Variants in CSMD3 observed in about 807,000 individuals in gnomAD.
CSMD3 encodes the protein CUB and Sushi multiple domains 3.
A neutral mutation model predicts 435.2 loss-of-function variants in CSMD3; 177 were observed. That is an observed-to-expected ratio of 0.41 (90% CI 0.36 to 0.46). The LOEUF (loss-of-function observed/expected upper bound fraction) is 0.46, where lower values mean the gene tolerates loss of function less well. Ranked by LOEUF, CSMD3 falls within the 20% of genes least tolerant of loss-of-function variation. The probability of loss-of-function intolerance (pLI) is 0.34; values close to 1 mark genes in which losing one functional copy is unlikely to be tolerated. For synonymous variants in CSMD3, 1,656 were observed against 1,520.5 expected, an observed-to-expected ratio of 1.09 and a Z score of -2.07; for missense variants, 4,265 against 4,504.6, an observed-to-expected ratio of 0.95 and a Z score of 1.52.
chr8:112,893,646 C>T (rs981779218), intron 10 of CSMD3, among the ~76,000 whole-genome samples: 6 of 151,478 alleles, frequency 4.0e-5, no homozygotes, highest in Non-Finnish European at 5.9e-5. Context: ...CTGAGGCAGA[C>T]TCTCTGGTAT....
At chr8:112,496,039 G>A (rs1288025520) in intron 30 of CSMD3, among the ~76,000 whole-genome samples, 1 of 151,906 alleles carries the variant, frequency 6.6e-6, no homozygotes, top group East Asian at 1.9e-4. Flanking sequence ...GTGCGATCTC[G>A]GCTCACTGCA....
intron 51 of CSMD3, 140 bp from the exon 52 acceptor site, chr8:112,305,055 G>T: frequency 1.4e-6 from 1 of 710,498 alleles, no homozygotes; most frequent in Non-Finnish European, 2.5e-6. Context: ...TATTTCTTTT[G>T]CATGTTGATA....
chr8:112,262,816 A>C (rs781395813), intron 61 of CSMD3, among the ~76,000 whole-genome samples: 1 of 152,128 alleles, frequency 6.6e-6, no homozygotes, highest in Non-Finnish European at 1.5e-5. Context: ...CAAGAAAAAA[A>C]GTCCTATGAG....
At position 112,533,998 on chromosome 8, in the gene CSMD3, A is replaced by T. The variant is rs981274512; in HGVS notation, c.4564+16673T>A. On this transcript the variant is annotated intron_variant, in intron 27 of 70. Coordinates refer to ENST00000297405, the MANE Select transcript of CSMD3 (RefSeq NM_198123.2). ...ACAAATAACATGGAAATTAAATGAC[A>T]TGCTCCTGAACAACCAATGGGTCAG... Among the ~76,000 whole-genome samples, 7 of 152,112 alleles carry T rather than the reference A, an allele frequency of 4.6e-5. 1 individual carries two copies. Among genetic ancestry groups the T allele is most frequent in the Non-Finnish European group, 1.5e-5 (1 of 67,994 alleles).
At chr8:112,724,369 A>G (rs2076922717) in intron 13 of CSMD3, among the ~76,000 whole-genome samples, 1 of 152,062 alleles carries the variant, frequency 6.6e-6, no homozygotes, top group Non-Finnish European at 1.5e-5. Context: ...AGATATTAGC[A>G]GTAGAGGTGG....
chr8:112,919,675 C>T (rs1275975239), intron 10 of CSMD3, among the ~76,000 whole-genome samples: 1 of 151,798 alleles, frequency 6.6e-6, no homozygotes, highest in Non-Finnish European at 1.5e-5. Context: ...ATGATGTTCA[C>T]TATATTGCTC....
intron 1 of CSMD3, among the ~76,000 whole-genome samples, chr8:113,323,729 A>G (rs1440247934): frequency 6.6e-6 from 1 of 152,228 alleles, no homozygotes; most frequent in Non-Finnish European, 1.5e-5. Context: ...GGCTACTCAC[A>G]TTTTAGCAGT....
At chr8:112,802,607 CATTTT>C (rs1305785037) in intron 12 of CSMD3, among the ~76,000 whole-genome samples, 1 of 151,936 alleles carries the variant, frequency 6.6e-6, no homozygotes, top group African/African-American at 2.4e-5. Flanking sequence ...TTTTTCCCTC[CATTTT>C]ATGGAGAGCT....
intron 1 of CSMD3, among the ~76,000 whole-genome samples, chr8:113,428,491 A>G (rs1189706979): frequency 6.6e-6 from 1 of 151,756 alleles, no homozygotes; most frequent in African/African-American, 2.4e-5. Context: ...ACTCAGAAAA[A>G]TGTGTATTAC....
At chr8:113,183,626 C>T (rs1248011370) in intron 3 of CSMD3, among the ~76,000 whole-genome samples, 2 of 151,952 alleles carry the variant, frequency 1.3e-5, no homozygotes, top group Non-Finnish European at 2.9e-5. Context: ...GTTTCTCCAA[C>T]CCGTAAGTCC....
chr8:112,477,938 G>A (rs537425465), intron 31 of CSMD3, among the ~76,000 whole-genome samples: 1 of 152,092 alleles, frequency 6.6e-6, no homozygotes, highest in East Asian at 1.9e-4. Flanking sequence ...CTGGTGGGAG[G>A]TCACTGAATC....
intron 16 of CSMD3, among the ~76,000 whole-genome samples, chr8:112,666,962 G>C (rs1425992624): frequency 6.6e-6 from 1 of 151,996 alleles, no homozygotes; most frequent in African/African-American, 2.4e-5. Context: ...CCATTTCCTA[G>C]ACATCTAGCC....
chr8:113,339,960 A>C (rs2094106668), intron 1 of CSMD3, among the ~76,000 whole-genome samples: 1 of 152,062 alleles, frequency 6.6e-6, no homozygotes, highest in South Asian at 2.1e-4. Flanking sequence ...ACTTATAATT[A>C]TTAAAATACT....
intron 5 of CSMD3, among the ~76,000 whole-genome samples, chr8:113,047,885 A>T (rs2087904464): frequency 6.6e-6 from 1 of 152,112 alleles, no homozygotes; most frequent in Non-Finnish European, 1.5e-5. Context: ...TCCGTAACTA[A>T]CACAATATTG....
chr8:112,639,181 G>T (rs1290371840), intron 20 of CSMD3, among the ~76,000 whole-genome samples: 1 of 151,840 alleles, frequency 6.6e-6, no homozygotes, highest in Admixed American at 6.6e-5. Flanking sequence ...AAATTACCTG[G>T]TTTTCTGAAA....
At chr8:113,179,188 A>G (rs2092389266) in intron 3 of CSMD3, among the ~76,000 whole-genome samples, 1 of 151,844 alleles carries the variant, frequency 6.6e-6, no homozygotes, top group Non-Finnish European at 1.5e-5. Flanking sequence ...CCAATTTTAT[A>G]AGACTGTTGA....
chr8:113,083,823 T>C (rs1358821652), intron 5 of CSMD3, among the ~76,000 whole-genome samples: 1 of 151,914 alleles, frequency 6.6e-6, no homozygotes, highest in Non-Finnish European at 1.5e-5. Flanking sequence ...ATTTAAAAAT[T>C]AGCTGGGTGG....
intron 13 of CSMD3, among the ~76,000 whole-genome samples, chr8:112,732,066 G>T (rs879898850): frequency 6.6e-6 from 1 of 151,904 alleles, no homozygotes; most frequent in South Asian, 2.1e-4. Context: ...GTGTGTGTGT[G>T]TATGTATGTG....
chr8:113,331,294 A>T (rs538151839), intron 1 of CSMD3, among the ~76,000 whole-genome samples: 37 of 147,370 alleles, frequency 2.5e-4, no homozygotes, highest in Admixed American at 7.5e-4. Context: ...ATGTGTGACT[A>T]AAAAAAAAAA....
Sources: allele counts gnomAD v4.1 joint callset (sites outside exome capture counted in the v4.1 genomes callset), GRCh38; gene constraint gnomAD v4.1.1; transcripts MANE v1.5; gene names NCBI Gene and HGNC (gene_info 2026-07-23, HGNC 2026-07-21).